HSPA12A: variants seen among roughly 807,000 people sequenced by gnomAD.
HSPA12A encodes the protein heat shock protein family A (Hsp70) member 12A.
Under a neutral mutation model 69.2 loss-of-function variants are expected in HSPA12A, and 28 were observed. The observed-to-expected ratio is 0.40, with a 90% CI of 0.30 to 0.55. The LOEUF (loss-of-function observed/expected upper bound fraction) is 0.55, where lower values mean the gene tolerates loss of function less well. Among genes scored for constraint, HSPA12A ranks in the 20% least tolerant of loss-of-function variants. The pLI is 0.38. For missense variants in HSPA12A, 686 were observed against 900.7 expected (o/e 0.76, Z 3.05); for synonymous variants, 345 against 370.5 (o/e 0.93, Z 0.79).
chr10:116,707,566 C>G (rs1554882658), intron 1 of HSPA12A, among the ~76,000 whole-genome samples: 1 of 152,232 alleles, frequency 6.6e-6, no homozygotes, highest in African/African-American at 2.4e-5. Flanking sequence ...GTTGGAGATG[C>G]TGGTCAGTCC....
At chr10:116,727,914 T>C (rs1280210815) in intron 1 of HSPA12A, among the ~76,000 whole-genome samples, 1 of 107,644 alleles carries the variant, frequency 9.3e-6, no homozygotes, top group African/African-American at 3.2e-5. Context: ...TGCACCACCA[T>C]GCCCGACTAA....
intron 1 of HSPA12A, among the ~76,000 whole-genome samples, chr10:116,735,212 G>A (rs1851278390): frequency 6.6e-6 from 1 of 152,202 alleles, no homozygotes; most frequent in African/African-American, 2.4e-5. Context: ...TAACCTACAA[G>A]TTGCTTTAAA....
chr10:116,691,646 C>T (rs969823555), intron 6 of HSPA12A, among the ~76,000 whole-genome samples: 3 of 152,218 alleles, frequency 2.0e-5, no homozygotes, highest in African/African-American at 7.2e-5. Context: ...GGGACCATAA[C>T]AACAGGTGAG....
chr10:116,674,643 C>A lies in HSPA12A; in HGVS notation c.*138G>T, dbSNP rs1008385660. ...CTCAAAAGTCACTAATTATTTCTAG[C>A]CCTGATTGTTCTCATCTTCCCTGCT... On this transcript the variant is annotated 3_prime_UTR_variant, in exon 12 of 12. Transcript: ENST00000369209. The A allele has an allele frequency of 3.7e-6, 3 of 817,992 alleles. No homozygotes were observed. The South Asian group carries it at 5.3e-5, about 15-fold the overall frequency. 50.7% of individuals were successfully genotyped at this position (817,992 alleles called of 1,614,324 possible). A position where few individuals can be genotyped will look rare whatever the true frequency, so the allele number is the denominator to read the frequency against.
intron 2 of HSPA12A, among the ~76,000 whole-genome samples, chr10:116,784,678 C>G (rs1468484638): frequency 3.9e-5 from 6 of 152,240 alleles, no homozygotes; most frequent in African/African-American, 1.4e-4. Flanking sequence ...CCCGTTCCCT[C>G]CACGTGTTGC....
chr10:116,750,898 C>T (rs7907566), intron 2 of HSPA12A, among the ~76,000 whole-genome samples: 8 of 151,792 alleles, frequency 5.3e-5, no homozygotes, highest in South Asian at 2.1e-4. Flanking sequence ...GCTTTAGCCT[C>T]GGAGGTCGAG....
rs567174311 is a variant in HSPA12A, at chr10:116,848,658, T to C, written c.3+908A>G. ...CTAAGTTCTGTAATCGCATGATACC[T>C]GGCAGGTACAATGAAGCCAGGAAGG... On this transcript the variant is annotated intron_variant, in intron 1 of 12. Coordinates refer to the HSPA12A transcript ENST00000635765. Among the ~76,000 whole-genome samples, 5 of 152,258 alleles carry C rather than the reference T, an allele frequency of 3.3e-5. No homozygotes were observed. In the East Asian group the frequency reaches 9.7e-4, roughly 29 times the overall value.
At chr10:116,703,771 G>A (rs1410153467) in intron 3 of HSPA12A, among the ~76,000 whole-genome samples, 5 of 152,192 alleles carry the variant, frequency 3.3e-5, no homozygotes, top group East Asian at 3.9e-4. Flanking sequence ...GGTGGCACCC[G>A]GGGCCTGCAG....
chr10:116,705,775 C>T (rs996728791), intron 2 of HSPA12A, among the ~76,000 whole-genome samples: 3 of 152,202 alleles, frequency 2.0e-5, no homozygotes, highest in Non-Finnish European at 4.4e-5. Flanking sequence ...ATCCCAGGAC[C>T]GTGTCCAATC....
intron 1 of HSPA12A, among the ~76,000 whole-genome samples, chr10:116,738,063 C>T (rs1417808712): frequency 1.3e-5 from 2 of 152,208 alleles, no homozygotes; most frequent in African/African-American, 2.4e-5. Context: ...TAATTATGCA[C>T]AGCAGTAATA....
At chr10:116,821,286 T>C (rs1171684133) in intron 2 of HSPA12A, among the ~76,000 whole-genome samples, 1 of 152,210 alleles carries the variant, frequency 6.6e-6, no homozygotes, top group East Asian at 1.9e-4. Flanking sequence ...CCCAGCTAAG[T>C]GGCCTCCTTG....
chr10:116,747,493 CTG>C (rs545328516), upstream of HSPA12A, among the ~76,000 whole-genome samples: 326 of 152,306 alleles, frequency 2.1e-3, 1 homozygote, highest in African/African-American at 7.3e-3. Context: ...ACAATGCAAA[CTG>C]AGACAAAGGT....
At chr10:116,677,565 C>T (rs1435778259) in intron 10 of HSPA12A, among the ~76,000 whole-genome samples, 3 of 152,286 alleles carry the variant, frequency 2.0e-5, no homozygotes, top group Admixed American at 6.5e-5. Flanking sequence ...GGGGGACTAA[C>T]GGGGCAGAGA....
intron 1 of HSPA12A, among the ~76,000 whole-genome samples, chr10:116,715,118 G>C (rs1349543054): frequency 6.6e-6 from 1 of 152,166 alleles, no homozygotes; most frequent in African/African-American, 2.4e-5. Context: ...TGGACTAGAA[G>C]GTCTCAGCTC....
chr10:116,780,270 T>C (rs1041667082), intron 2 of HSPA12A, among the ~76,000 whole-genome samples: 3 of 152,212 alleles, frequency 2.0e-5, no homozygotes, highest in Non-Finnish European at 2.9e-5. Flanking sequence ...ACCTTCCTGT[T>C]TCATGGACTC....
At chr10:116,688,865 C>T (rs1159438849) in intron 6 of HSPA12A, among the ~76,000 whole-genome samples, 1 of 152,216 alleles carries the variant, frequency 6.6e-6, no homozygotes, top group Admixed American at 6.5e-5. Context: ...ACAATCCCCA[C>T]AGCTTCAGAA....
intron 2 of HSPA12A, among the ~76,000 whole-genome samples, chr10:116,815,119 C>T (rs573679541): frequency 1.3e-5 from 2 of 151,978 alleles, no homozygotes; most frequent in Admixed American, 6.6e-5. Flanking sequence ...TTAATTAGCA[C>T]CAGCTCTTTT....
chr10:116,681,347 G>C, intron 8 of HSPA12A, 91 bp from the exon 9 acceptor site: 1 of 992,678 alleles, frequency 1.0e-6, no homozygotes, highest in South Asian at 1.3e-5. Flanking sequence ...ACCCAGCTAA[G>C]TGCCCTCAAA....
At chr10:116,716,551 T>C (rs1409116021) in intron 1 of HSPA12A, among the ~76,000 whole-genome samples, 4 of 151,974 alleles carry the variant, frequency 2.6e-5, no homozygotes, top group African/African-American at 4.8e-5. Flanking sequence ...GGCCTTAGCA[T>C]TGGGATGAGT....
Sources: gnomAD v4.1 joint callset for allele counts (sites outside exome capture counted in the v4.1 genomes callset) on GRCh38, gnomAD v4.1.1 for gene constraint, MANE v1.5 for transcripts, NCBI Gene and HGNC (gene_info 2026-07-23, HGNC 2026-07-21) for gene names.